TEX101: variants seen among roughly 807,000 people sequenced by gnomAD.
TEX101 encodes testis-expressed protein 101.
In TEX101, 10 loss-of-function variants were observed where a neutral mutation model predicts 18.1. The observed-to-expected ratio is 0.55, with a 90% CI of 0.34 to 0.94. TEX101 has a LOEUF of 0.94. Ranked by LOEUF, TEX101 falls within the 40% of genes least tolerant of loss-of-function variation. The pLI is 0.02. For synonymous variants in TEX101, 94 were observed against 114.8 expected (o/e 0.82, Z 1.16); for missense variants, 259 against 298.9 (o/e 0.87, Z 0.98).
the TEX101 span, among the ~76,000 whole-genome samples, chr19:43,392,147 G>T: frequency 6.6e-6 from 1 of 152,174 alleles, no homozygotes; most frequent in East Asian, 1.9e-4. Context: ...AGAAATACAG[G>T]GGTGGAGAGG....
intron 3 of TEX101, among the ~76,000 whole-genome samples, chr19:43,408,892 C>G (rs894400212): frequency 2.0e-5 from 3 of 152,184 alleles, no homozygotes; most frequent in African/African-American, 7.2e-5. Context: ...GTGGCCTGAT[C>G]CCACCCCTGG....
chr19:43,401,896 C>A (rs1313626370), intron 1 of TEX101, among the ~76,000 whole-genome samples: 4 of 151,512 alleles, frequency 2.6e-5, no homozygotes, highest in African/African-American at 9.7e-5. Flanking sequence ...CATAAAAATA[C>A]GAATGGAGAA....
chr19:43,401,396 T>A (rs1353331949), upstream of TEX101: 5 of 152,268 alleles, frequency 3.3e-5, no homozygotes, highest in Non-Finnish European at 5.9e-5. Flanking sequence ...AATTCCTCCT[T>A]TTAGGCACAA....
At chr19:43,408,130 C>G (rs1239087127) in intron 3 of TEX101, among the ~76,000 whole-genome samples, 1 of 152,222 alleles carries the variant, frequency 6.6e-6, no homozygotes. Context: ...ACGTCTCTCC[C>G]GTGAGCCTGC....
upstream of TEX101, among the ~76,000 whole-genome samples, chr19:43,413,469 T>C (rs911309624): frequency 7.0e-6 from 1 of 143,118 alleles, no homozygotes; most frequent in Non-Finnish European, 1.5e-5. Context: ...ACCACTGCAC[T>C]CCAGCCTGGG....
Position 43,414,940 on chromosome 19 carries a change from T to C in TEX101, c.-138T>C, listed in dbSNP as rs555531179. ...GGCGTTCCGGGCCTCAACTTTGGCG[T>C]CGTGAGATTCTTGTGAGGCGTCTGC... On this transcript the variant is annotated 5_prime_UTR_variant, in exon 1 of 6. Coordinates refer to ENST00000598265, the MANE Select transcript of TEX101 (RefSeq NM_001130011.3). 7.1e-6 allele frequency: 7 copies of C among 985,334 alleles called. No homozygotes were observed. The African/African-American group carries it at 1.2e-4, about 17-fold the overall frequency. 61.0% of individuals were successfully genotyped at this position (985,334 alleles called of 1,614,324 possible).
At chr19:43,405,410 T>G (rs1230710901) in intron 2 of TEX101, among the ~76,000 whole-genome samples, 1 of 151,184 alleles carries the variant, frequency 6.6e-6, no homozygotes, top group Non-Finnish European at 1.5e-5. Flanking sequence ...AAACCCCATC[T>G]CTACTAAAAA....
chr19:43,408,214 T>C (rs1970387244), intron 3 of TEX101, among the ~76,000 whole-genome samples: 1 of 152,184 alleles, frequency 6.6e-6, no homozygotes, highest in Non-Finnish European at 1.5e-5. Context: ...GAACATGCGC[T>C]TCCGGGGGTG....
intron 1 of TEX101, among the ~76,000 whole-genome samples, chr19:43,401,757 G>A (rs1210159246): frequency 1.3e-5 from 2 of 152,102 alleles, no homozygotes; most frequent in Non-Finnish European, 2.9e-5. Flanking sequence ...GGAGGCTGAG[G>A]CAGGAGAATA....
At chr19:43,411,041 C>G (rs1277420118), upstream of TEX101, among the ~76,000 whole-genome samples, 1 of 152,016 alleles carries the variant, frequency 6.6e-6, no homozygotes, top group Non-Finnish European at 1.5e-5. Context: ...GGCACCCAGC[C>G]TAGAATCTTA....
intron 2 of TEX101, among the ~76,000 whole-genome samples, chr19:43,403,625 C>T (rs1164430342): frequency 1.3e-5 from 2 of 150,954 alleles, no homozygotes; most frequent in African/African-American, 2.4e-5. Context: ...TAGCCTTTAA[C>T]CCTAATTCAG....
chr19:43,408,791 T>C (rs1441146991), intron 3 of TEX101, among the ~76,000 whole-genome samples: 1 of 152,054 alleles, frequency 6.6e-6, no homozygotes, highest in Non-Finnish European at 1.5e-5. Flanking sequence ...ACTCTTCCCA[T>C]CCCCAAGATC....
chr19:43,410,824 TCA>T (rs1369877594), upstream of TEX101, among the ~76,000 whole-genome samples: 1 of 151,354 alleles, frequency 6.6e-6, no homozygotes, highest in African/African-American at 2.4e-5. Context: ...GCACTCACAG[TCA>T]CACATGAACA....
chr19:43,407,737 G>A (rs1003525710), intron 3 of TEX101, among the ~76,000 whole-genome samples: 10 of 152,184 alleles, frequency 6.6e-5, no homozygotes, highest in Non-Finnish European at 1.3e-4. Context: ...AGAACTATAG[G>A]GCAGCGCCAT....
At chr19:43,404,915 A>G (rs1378988307) in intron 2 of TEX101, among the ~76,000 whole-genome samples, 1 of 152,158 alleles carries the variant, frequency 6.6e-6, no homozygotes, top group Non-Finnish European at 1.5e-5. Context: ...GCTGATTCCC[A>G]CTGAGACATA....
chr19:43,418,138 T>C (rs1406312187), intron 5 of TEX101, 30 bp from the exon 6 acceptor site: 10 of 1,613,052 alleles, frequency 6.2e-6, no homozygotes, highest in African/African-American at 2.7e-5. Flanking sequence ...AAAACATCTC[T>C]GTCTCTCCCG....
intron 3 of TEX101, chr19:43,406,552 C>T (rs1970365481): frequency 1.5e-6 from 1 of 675,522 alleles, no homozygotes; most frequent in Non-Finnish European, 2.7e-6. Context: ...GGGTGAAATT[C>T]CATTATTAAT....
At position 43,415,935 on chromosome 19, in the gene TEX101, A is replaced by G. The variant is rs1599903863; in HGVS notation, c.16A>G (p.Ile6Val). 1.2e-6 allele frequency: 2 copies of G among 1,614,156 alleles called. No individual in the cohort carries two copies. The highest frequency in any genetic ancestry group is 2.2e-5 in the East Asian group (1 of 44,878). MGTPR[I>V]QHLLILLVLG... ...AGAAGAAGCCATGGGAACCCCTCGT[A>G]TCCAGCATTTGCTGATCCTCCTGGT... Residue 6 changes from isoleucine (I) to valine (V), a missense_variant, in exon 2 of 6, where the codon ATC (isoleucine) becomes GTC (valine). By Grantham distance (29) the Ile-to-Val change is conservative. Transcript: ENST00000598265.
chr19:43,415,088 TG>T, intron 1 of TEX101, 50 bp downstream of exon 1: 1 of 983,546 alleles, frequency 1.0e-6, no homozygotes, highest in Non-Finnish European at 1.2e-6. Context: ...GAACGAGGGT[TG>T]GGGGCCTGGG....
Sources: gnomAD v4.1 joint callset for allele counts (sites outside exome capture counted in the v4.1 genomes callset) on GRCh38, gnomAD v4.1.1 for gene constraint, MANE v1.5 for transcripts, NCBI Gene and HGNC (gene_info 2026-07-23, HGNC 2026-07-21) for gene names.